The following CNTNAP2 variants were observed in gnomAD, a reference collection of about 807,000 sequenced individuals.
CNTNAP2 encodes contactin associated protein 2, also known as contactin-associated protein-like 2.
In CNTNAP2, 98 loss-of-function variants were observed where a neutral mutation model predicts 155.2. The ratio of observed to expected loss-of-function variants is 0.63; its 90% confidence interval spans 0.54 to 0.75. CNTNAP2 has a LOEUF of 0.75. Ranked by LOEUF, CNTNAP2 falls within the 30% of genes least tolerant of loss-of-function variation. The pLI is 0.00. For synonymous variants in CNTNAP2, 651 were observed against 631.2 expected (o/e 1.03, Z -0.47); for missense variants, 1,727 against 1,688.1 (o/e 1.02, Z -0.40).
chr7:147,519,020 T>C (rs1476196528), intron 11 of CNTNAP2, among the ~76,000 whole-genome samples: 1 of 84,888 alleles, frequency 1.2e-5, no homozygotes, highest in Non-Finnish European at 2.5e-5. Context: ...ACAGACTCTG[T>C]CTCAAAAAAA....
At chr7:147,077,233 A>C (rs781472614) in intron 4 of CNTNAP2, among the ~76,000 whole-genome samples, 5 of 152,200 alleles carry the variant, frequency 3.3e-5, no homozygotes, top group Admixed American at 6.5e-5. Context: ...ATTTAAAAAA[A>C]TTAACTTTTC....
At chr7:147,462,455 G>C (rs1159892574) in intron 10 of CNTNAP2, among the ~76,000 whole-genome samples, 2 of 152,110 alleles carry the variant, frequency 1.3e-5, no homozygotes, top group Non-Finnish European at 2.9e-5. Flanking sequence ...TCATTTTCCA[G>C]CCCCTATTAA....
chr7:147,471,769 T>A (rs1299466270), intron 10 of CNTNAP2, among the ~76,000 whole-genome samples: 1 of 152,198 alleles, frequency 6.6e-6, no homozygotes. Flanking sequence ...TGTTCCCTAC[T>A]CTCATGGAAA....
At chr7:146,968,362 T>C (rs1191715607) in intron 3 of CNTNAP2, among the ~76,000 whole-genome samples, 2 of 151,700 alleles carry the variant, frequency 1.3e-5, no homozygotes, top group African/African-American at 2.4e-5. Context: ...TTTCTATTGA[T>C]TGGAATAGTT....
intron 1 of CNTNAP2, among the ~76,000 whole-genome samples, chr7:146,341,254 C>G (rs1794719413): frequency 6.6e-6 from 1 of 152,042 alleles, no homozygotes. Context: ...GAATCATATT[C>G]AGAATGTAAT....
intron 14 of CNTNAP2, among the ~76,000 whole-genome samples, chr7:147,965,174 CT>C (rs1801184486): frequency 6.6e-6 from 1 of 152,162 alleles, no homozygotes; most frequent in African/African-American, 2.4e-5. Flanking sequence ...CAGAATGTCT[CT>C]GATCATGTGC....
At chr7:147,242,972 C>G (rs1803973343) in intron 8 of CNTNAP2, among the ~76,000 whole-genome samples, 1 of 121,092 alleles carries the variant, frequency 8.3e-6, no homozygotes, top group Non-Finnish European at 1.6e-5. Context: ...TGTTGTATTC[C>G]ACACTATGCT....
rs1249276751 is a variant in CNTNAP2 at position 147,246,094 on chromosome 7, C to CAT, written c.1349-54035_1349-54034dup. Among the ~76,000 whole-genome samples, 347 of 147,884 alleles carry CAT rather than the reference C, an allele frequency of 2.3e-3. 1 individual carries two copies. The highest frequency in any genetic ancestry group is 6.7e-3 in the African/African-American group (272 of 40,364). On this transcript the variant is annotated intron_variant, in intron 8 of 23. Coordinates refer to ENST00000361727, the MANE Select transcript of CNTNAP2 (RefSeq NM_014141.6). ...CATATATATATATACATATATATGG[C>CAT]ATATATATATATACACACATATATA...
intron 3 of CNTNAP2, among the ~76,000 whole-genome samples, chr7:146,972,192 T>A (rs1290579681): frequency 6.6e-6 from 1 of 152,156 alleles, no homozygotes; most frequent in Non-Finnish European, 1.5e-5. Context: ...TAAACACAAG[T>A]ATCAAGTCAA....
chr7:146,664,388 T>C (rs1800150581), intron 1 of CNTNAP2, among the ~76,000 whole-genome samples: 1 of 152,008 alleles, frequency 6.6e-6, no homozygotes, highest in African/African-American at 2.4e-5. Context: ...CTCAATCTCC[T>C]GACCTTAAAC....
chr7:146,640,641 G>A (rs776319252), intron 1 of CNTNAP2, among the ~76,000 whole-genome samples: 1 of 152,194 alleles, frequency 6.6e-6, no homozygotes, highest in African/African-American at 2.4e-5. Flanking sequence ...CCTTTTTGGC[G>A]AAGGTTATCC....
At chr7:146,395,210 G>C (rs923014525) in intron 1 of CNTNAP2, among the ~76,000 whole-genome samples, 1 of 152,112 alleles carries the variant, frequency 6.6e-6, no homozygotes, top group Non-Finnish European at 1.5e-5. Context: ...AAACATATGA[G>C]TGCAGGTATC....
intron 1 of CNTNAP2, among the ~76,000 whole-genome samples, chr7:146,315,199 G>C (rs1002022471): frequency 5.9e-5 from 9 of 152,198 alleles, no homozygotes; most frequent in Non-Finnish European, 7.3e-5. Flanking sequence ...GACAGATCTA[G>C]GGGCTACCGC....
chr7:147,440,630 T>G (rs1453531964), intron 10 of CNTNAP2, among the ~76,000 whole-genome samples: 2 of 152,216 alleles, frequency 1.3e-5, no homozygotes, highest in African/African-American at 2.4e-5. Flanking sequence ...CCCTTTAGCA[T>G]TTCTTGCAGG....
intron 12 of CNTNAP2, among the ~76,000 whole-genome samples, chr7:147,603,954 A>G (rs1364870371): frequency 6.6e-6 from 1 of 151,148 alleles, no homozygotes; most frequent in East Asian, 1.9e-4. Context: ...CAAACCTGAG[A>G]AAAACAAGCA....
intron 1 of CNTNAP2, among the ~76,000 whole-genome samples, chr7:146,220,923 A>G (rs770457891): frequency 1.3e-5 from 2 of 152,208 alleles, no homozygotes; most frequent in Admixed American, 6.5e-5. Context: ...TGACCCTTCA[A>G]ATATTTCATC....
chr7:147,818,189 G>A (rs371369278), intron 13 of CNTNAP2, among the ~76,000 whole-genome samples: 117 of 151,950 alleles, frequency 7.7e-4, no homozygotes, highest in African/African-American at 2.7e-3. Context: ...ATCAAGTATT[G>A]TCCTCTTAAA....
chr7:147,466,289 C>T (rs1798117866), intron 10 of CNTNAP2, among the ~76,000 whole-genome samples: 1 of 152,196 alleles, frequency 6.6e-6, no homozygotes, highest in African/African-American at 2.4e-5. Flanking sequence ...GAAGGACCCT[C>T]TCTGGAATGG....
chr7:147,952,499 A>G (rs1023217323), intron 14 of CNTNAP2, among the ~76,000 whole-genome samples: 1 of 152,022 alleles, frequency 6.6e-6, no homozygotes, highest in Admixed American at 6.6e-5. Flanking sequence ...ATAGAAAATC[A>G]TAGTATTTTG....
Sources: allele counts gnomAD v4.1 joint callset (sites outside exome capture counted in the v4.1 genomes callset), GRCh38; gene constraint gnomAD v4.1.1; transcripts MANE v1.5; gene names NCBI Gene and HGNC (gene_info 2026-07-23, HGNC 2026-07-21).